VCAN: variants seen among roughly 807,000 people sequenced by gnomAD.
VCAN encodes versican core protein.
In VCAN, 44 loss-of-function variants were observed where a neutral mutation model predicts 245.5. The observed-to-expected ratio is 0.18, with a 90% CI of 0.14 to 0.23. The LOEUF is 0.23. VCAN is among the 10% of genes least tolerant of loss of function. The pLI is 1.00. For synonymous variants in VCAN, 1,413 were observed against 1,437.0 expected (o/e 0.98, Z 0.38); for missense variants, 3,793 against 4,057.9 (o/e 0.93, Z 1.77).
At chr5:83,524,350 A>C (rs992709790) in intron 7 of VCAN, among the ~76,000 whole-genome samples, 4 of 152,094 alleles carry the variant, frequency 2.6e-5, no homozygotes, top group African/African-American at 9.7e-5. Context: ...GTGAGACTAT[A>C]ATCCACCTTG....
chr5:83,541,508 T>C lies in VCAN; in HGVS notation c.8505T>C (p.Ser2835=), dbSNP rs541922257. 1 of 1,614,036 alleles carries C rather than the reference T, an allele frequency of 6.2e-7. No homozygotes were observed. The highest frequency in any genetic ancestry group is 1.7e-5 in the Admixed American group (1 of 60,002). Residue 2835 remains serine (S), a synonymous_variant, in exon 8 of 15, where the codon AGT becomes AGC. Transcript: ENST00000265077. ...CTCCCCTCACTATCTACTCAGGCAGTGAAGCCTCTGGACACACAGAGATCC... is the reference window on the plus strand; with the variant it reads ...CTCCCCTCACTATCTACTCAGGCAGCGAAGCCTCTGGACACACAGAGATCC... ...PSSPLTIYSG[S]EASGHTEIPQ...
At chr5:83,569,911 T>C (rs1383198048) in intron 12 of VCAN, among the ~76,000 whole-genome samples, 1 of 152,088 alleles carries the variant, frequency 6.6e-6, no homozygotes, top group African/African-American at 2.4e-5. Context: ...CTTAGTTCTG[T>C]ATCAGCAACA....
Position 83,538,897 on chromosome 5 carries a change from G to A in VCAN, c.5894G>A (p.Arg1965Lys), listed in dbSNP as rs1486008175. The A allele has an allele frequency of 3.1e-6, 5 of 1,613,830 alleles. No individual in the cohort carries two copies. In the African/African-American group the frequency reaches 5.3e-5, roughly 17 times the overall value. ...GAAGGCTCTGGAGATGCAGCATTTA[G>A]GGACACCCAGACTTCACCATCTACA... is the stretch of plus-strand genomic sequence containing the variant. ...MMEGSGDAAFRDTQTSPSTVP... is the reference protein window; with the variant it reads ...MMEGSGDAAFKDTQTSPSTVP... Residue 1965 changes from arginine (R) to lysine (K), a missense_variant, in exon 8 of 15, where the codon AGG becomes AAG. Physicochemically the swap from Arg to Lys is conservative, Grantham distance 26 (BLOSUM62 2). Transcript: ENST00000265077.
At position 83,539,036 on chromosome 5, in the gene VCAN, A is replaced by T; in HGVS notation, c.6033A>T (p.Ser2011=). 1 of 1,614,016 alleles carries T rather than the reference A, an allele frequency of 6.2e-7. No individual in the cohort carries two copies. Among genetic ancestry groups the T allele is most frequent in the Admixed American group, 1.7e-5 (1 of 59,964 alleles). ...AGTTTACATCCTCAGCTGAGGGCTCAGGTGAGCAACTGGTCACAGTCAGCA... is the reference window on the plus strand; with the variant it reads ...AGTTTACATCCTCAGCTGAGGGCTCTGGTGAGCAACTGGTCACAGTCAGCA... ...WEEFTSSAEG[S]GEQLVTVSSS... The change falls in exon 8 of 15, where the codon TCA becomes TCT. Residue 2011 remains serine, a synonymous_variant. Transcript: ENST00000265077.
In VCAN at chr5:83,538,315, A is replaced by G. The variant is rs1431721087; in HGVS notation, c.5312A>G (p.Lys1771Arg). ...ACATCTAGTGATTCAGGTACCAGGA[A>G]AAGTTTTATGTCCTTGACAACACCA... ...VATSSDSGTRKSFMSLTTPTQ... is the reference protein window; with the variant it reads ...VATSSDSGTRRSFMSLTTPTQ... Residue 1771 changes from lysine to arginine, a missense_variant, in exon 8 of 15, where the codon AAA becomes AGA. Transcript: ENST00000265077. 2.5e-6 allele frequency: 4 copies of G among 1,614,100 alleles called. No homozygotes were observed. Among genetic ancestry groups the G allele is most frequent in the East Asian group, 4.5e-5 (2 of 44,874 alleles).
At chr5:83,534,041 G>A (rs1278895209) in intron 7 of VCAN, 1 of 152,026 alleles carries the variant, frequency 6.6e-6, no homozygotes, top group Non-Finnish European at 1.5e-5. Context: ...AAATTTCAGT[G>A]AGCATTATGA....
At chr5:83,478,872 CAT>C (rs1744492672) in intron 1 of VCAN, among the ~76,000 whole-genome samples, 1 of 152,232 alleles carries the variant, frequency 6.6e-6, no homozygotes, top group East Asian at 1.9e-4. Context: ...TTCCCAATCA[CAT>C]ATGCAAAATG....
Position 83,538,547 on chromosome 5 carries a change from T to C in VCAN, c.5544T>C (p.Thr1848=). ...GEAAADPETT[T]VSSFSLNVEY... ...CTGCTGCCGACCCAGAAACCACCAC[T>C]GTTTCTTCATTTTCATTAAACGTAG... is the stretch of plus-strand genomic sequence containing the variant. Residue 1848 remains threonine, a synonymous_variant, in exon 8 of 15, where the codon ACT becomes ACC. Transcript: ENST00000265077. 1 of 1,614,060 alleles carries C rather than the reference T, an allele frequency of 6.2e-7. No homozygotes were observed. Among genetic ancestry groups the C allele is most frequent in the Non-Finnish European group, 8.5e-7 (1 of 1,179,964 alleles).
In VCAN at chr5:83,538,796, G is replaced by A; in HGVS notation, c.5793G>A (p.Glu1931=). ...IRGFSTGFPL[E]EDFSGDFREY... ...GCTTTTCCACAGGTTTTCCTTTGGA[G>A]GAAGATTTCAGTGGTGACTTTAGAG... The change falls in exon 8 of 15, where the codon GAG becomes GAA. Residue 1931 remains glutamate (E), a synonymous_variant. Transcript: ENST00000265077. 6.2e-7 allele frequency: 1 copy of A among 1,613,920 alleles called. No individual in the cohort carries two copies. The highest frequency in any genetic ancestry group is 8.5e-7 in the Non-Finnish European group (1 of 1,179,942).
chr5:83,545,532 G>T lies in VCAN; in HGVS notation c.9266-5G>T, dbSNP rs770007700. On this transcript the variant is annotated splice_region_variant and splice_polypyrimidine_tract_variant and intron_variant, in intron 8 of 14. Coordinates refer to ENST00000265077, the MANE Select transcript of VCAN (RefSeq NM_004385.5). ...CTGCTTTTCTTACTTTCCTGAATAT[G>T]GTAGGACCTGATCGCTGCAAAATGA... is the stretch of plus-strand genomic sequence containing the variant. 1.9e-6 allele frequency: 3 copies of T among 1,613,100 alleles called. No homozygotes were observed. The highest frequency in any genetic ancestry group is 2.5e-6 in the Non-Finnish European group (3 of 1,179,122).
At chr5:83,524,538 ACC>A (rs1561247278) in intron 7 of VCAN, among the ~76,000 whole-genome samples, 8 of 11,744 alleles carry the variant, frequency 6.8e-4, no homozygotes, top group African/African-American at 5.9e-3. Flanking sequence ...CTACCTGCGT[ACC>A]TACCTACCTA....
rs548185169 is a variant in VCAN, at chr5:83,577,305, G to A, written c.9881-2675G>A. On this transcript the variant is annotated intron_variant, in intron 13 of 14. Coordinates refer to ENST00000265077, the MANE Select transcript of VCAN (RefSeq NM_004385.5). ...GATTAATATGTAGCCTACTGACAGT[G>A]GAAAAACACTGATTTGTTTCTGAAT... Among the ~76,000 whole-genome samples, 3 of 152,174 alleles carry A rather than the reference G, an allele frequency of 2.0e-5. No individual in the cohort carries two copies. In the South Asian group the frequency reaches 6.2e-4, roughly 32 times the overall value.
chr5:83,527,649 C>T (rs1041056886), intron 7 of VCAN, among the ~76,000 whole-genome samples: 7 of 152,194 alleles, frequency 4.6e-5, no homozygotes, highest in East Asian at 1.9e-4. Context: ...ATTTTGTATA[C>T]GTAATACATA....
chr5:83,530,057 T>C (rs1746459984), intron 7 of VCAN, among the ~76,000 whole-genome samples: 1 of 152,140 alleles, frequency 6.6e-6, no homozygotes, highest in Non-Finnish European at 1.5e-5. Context: ...ACATAGGTTG[T>C]GTTTTTTTGG....
At chr5:83,500,532 G>C (rs1465593090) in intron 5 of VCAN, among the ~76,000 whole-genome samples, 1 of 152,082 alleles carries the variant, frequency 6.6e-6, no homozygotes, top group Non-Finnish European at 1.5e-5. Context: ...CTGTGTGGTG[G>C]GAGTATTATT....
At chr5:83,495,055 T>G (rs189909827) in intron 5 of VCAN, among the ~76,000 whole-genome samples, 1 of 152,318 alleles carries the variant, frequency 6.6e-6, no homozygotes, top group African/African-American at 2.4e-5. Context: ...GGATTTTCAT[T>G]TGTATTAACA....
chr5:83,568,109 A>G (rs1327283544), intron 12 of VCAN, among the ~76,000 whole-genome samples: 1 of 147,204 alleles, frequency 6.8e-6, no homozygotes, highest in East Asian at 2.0e-4. Context: ...TGAAAAGAAA[A>G]GTACGTTATT....
chr5:83,527,652 A>G (rs1746352861), intron 7 of VCAN, among the ~76,000 whole-genome samples: 1 of 152,204 alleles, frequency 6.6e-6, no homozygotes, highest in African/African-American at 2.4e-5. Context: ...TTGTATACGT[A>G]ATACATAGAT....
chr5:83,476,988 T>C (rs999015813), intron 1 of VCAN, among the ~76,000 whole-genome samples: 1 of 152,176 alleles, frequency 6.6e-6, no homozygotes. Flanking sequence ...TTATAATCTT[T>C]TTATTATTAA....
Sources: gnomAD v4.1 joint callset for allele counts (sites outside exome capture counted in the v4.1 genomes callset) on GRCh38, gnomAD v4.1.1 for gene constraint, MANE v1.5 for transcripts, NCBI Gene and HGNC (gene_info 2026-07-23, HGNC 2026-07-21) for gene names.